Variants in PPFIA2 observed in about 807,000 individuals in gnomAD.
PPFIA2 encodes the protein PPFI scaffold protein A2.
PPFIA2 carries 46 observed loss-of-function variants against 175.5 expected under a neutral mutation model. That is an observed-to-expected ratio of 0.26 (90% CI 0.21 to 0.34). PPFIA2 has a LOEUF of 0.34. PPFIA2 is among the 10% of genes least tolerant of loss of function. The probability of loss-of-function intolerance (pLI) is 1.00; values close to 1 mark genes in which losing one functional copy is unlikely to be tolerated. For missense variants in PPFIA2, 1,179 were observed against 1,506.1 expected (o/e 0.78, Z 3.60); for synonymous variants, 568 against 511.4 (o/e 1.11, Z -1.49).
At chr12:81,388,076 T>C (rs1566602429) in intron 8 of PPFIA2, among the ~76,000 whole-genome samples, 1 of 151,970 alleles carries the variant, frequency 6.6e-6, no homozygotes. Context: ...AATACAGGAG[T>C]TCTATGTTCA....
At chr12:81,701,749 G>T (rs1208645170) in intron 3 of PPFIA2, among the ~76,000 whole-genome samples, 2 of 151,974 alleles carry the variant, frequency 1.3e-5, no homozygotes, top group East Asian at 3.9e-4. Context: ...CTGTCAGTAT[G>T]TTGTAAAAAA....
At chr12:81,308,400 C>T (rs1366287005) in intron 22 of PPFIA2, among the ~76,000 whole-genome samples, 1 of 152,094 alleles carries the variant, frequency 6.6e-6, no homozygotes, top group Non-Finnish European at 1.5e-5. Context: ...CAGATGAGAA[C>T]ACCGAAGAAC....
chr12:81,313,564 T>A (rs994979945), intron 22 of PPFIA2, among the ~76,000 whole-genome samples: 16 of 152,116 alleles, frequency 1.1e-4, no homozygotes, highest in African/African-American at 3.9e-4. Context: ...GGCACTACAC[T>A]GTCCCAAGAA....
In PPFIA2 at chr12:81,358,095, C is replaced by A; in HGVS notation, c.1760G>T (p.Arg587Ile). 1 of 1,602,230 alleles carries A rather than the reference C, an allele frequency of 6.2e-7. No homozygotes were observed. Among genetic ancestry groups the A allele is most frequent in the Non-Finnish European group, 8.5e-7 (1 of 1,174,854 alleles). ...TAAAAGATTAACCTTTGGCTCATCT[C>A]TTCGCACACCCATGCGGCCTCTCCT... is the stretch of plus-strand genomic sequence containing the variant. ...RPRRGRMGVR[R>I]DEPKVKSLGD... Residue 587 changes from arginine to isoleucine, a missense_variant, in exon 16 of 33, where the codon AGA becomes ATA. Transcript: ENST00000549396.
At chr12:81,588,474 C>T (rs1351644542) in intron 4 of PPFIA2, among the ~76,000 whole-genome samples, 1 of 152,004 alleles carries the variant, frequency 6.6e-6, no homozygotes, top group Non-Finnish European at 1.5e-5. Context: ...AACCAGATGT[C>T]TCCCACATTA....
intron 15 of PPFIA2, 61 bp from the exon 16 acceptor site, chr12:81,358,278 A>C (rs2061140799): frequency 6.8e-7 from 1 of 1,459,892 alleles, no homozygotes; most frequent in Non-Finnish European, 9.3e-7. Flanking sequence ...CCAGGAAATT[A>C]CTATCTGCTG....
At chr12:81,606,312 T>C (rs2060309479) in intron 4 of PPFIA2, among the ~76,000 whole-genome samples, 1 of 152,038 alleles carries the variant, frequency 6.6e-6, no homozygotes, top group African/African-American at 2.4e-5. Flanking sequence ...GTATAATGAT[T>C]GATTTTCCTT....
In PPFIA2 at chr12:81,746,232, C is replaced by T. The variant is rs530875651; in HGVS notation, c.249+7741G>A. Among the ~76,000 whole-genome samples, 22 of 144,300 alleles carry T rather than the reference C, an allele frequency of 1.5e-4. 2 individuals carry two copies. In the South Asian group the frequency reaches 4.7e-3, roughly 31 times the overall value. The allele number at this position is 144,300 out of a possible 152,430, so 94.7% of individuals were successfully genotyped here. A position where few individuals can be genotyped will look rare whatever the true frequency, so the allele number is the denominator to read the frequency against. ...TTAATCTTATCTTTGTTATTGAACA[C>T]TTAAGAAGTAACTACATAAGGAATT... On this transcript the variant is annotated intron_variant, in intron 3 of 32. Coordinates refer to ENST00000549396, the MANE Select transcript of PPFIA2 (RefSeq NM_003625.5).
chr12:81,725,641 G>T (rs759057074), intron 3 of PPFIA2, among the ~76,000 whole-genome samples: 1 of 150,550 alleles, frequency 6.6e-6, no homozygotes, highest in Non-Finnish European at 1.5e-5. Context: ...GTAGAATAAA[G>T]TATTTTAAAA....
chr12:81,530,270 G>A (rs2064327699), intron 4 of PPFIA2, among the ~76,000 whole-genome samples: 2 of 151,870 alleles, frequency 1.3e-5, no homozygotes, highest in African/African-American at 4.8e-5. Context: ...CTACTATTGG[G>A]TTAAGCAAAG....
intron 4 of PPFIA2, 134 bp from the exon 5 acceptor site, chr12:81,458,000 G>T: frequency 3.3e-6 from 2 of 607,584 alleles, no homozygotes; most frequent in Non-Finnish European, 2.9e-6. Context: ...TTGCTGTTAT[G>T]AAGTATCTTA....
At chr12:81,338,261 C>T (rs1403065175) in intron 21 of PPFIA2, among the ~76,000 whole-genome samples, 1 of 152,014 alleles carries the variant, frequency 6.6e-6, no homozygotes, top group Non-Finnish European at 1.5e-5. Flanking sequence ...CAGCACTTAC[C>T]ACTGTAGGTA....
At chr12:81,268,239 C>T (rs1467361258) in intron 28 of PPFIA2, among the ~76,000 whole-genome samples, 152 bp from the exon 29 acceptor site, 1 of 146,072 alleles carries the variant, frequency 6.8e-6, no homozygotes, top group Non-Finnish European at 1.5e-5. Context: ...CCCGGGTTCA[C>T]GCCATTCTCC....
intron 3 of PPFIA2, among the ~76,000 whole-genome samples, chr12:81,741,407 G>A (rs1423877016): frequency 6.6e-6 from 1 of 151,986 alleles, no homozygotes; most frequent in East Asian, 1.9e-4. Flanking sequence ...TACACAACAA[G>A]AAAAAGAATA....
intron 4 of PPFIA2, among the ~76,000 whole-genome samples, chr12:81,663,652 T>A (rs1298859651): frequency 2.0e-5 from 3 of 152,220 alleles, no homozygotes; most frequent in Non-Finnish European, 4.4e-5. Context: ...CCCATCAAGC[T>A]ACCAATGACT....
chr12:81,585,077 A>AAT, intron 4 of PPFIA2, among the ~76,000 whole-genome samples: 1 of 120,252 alleles, frequency 8.3e-6, no homozygotes, highest in Non-Finnish European at 1.7e-5. Context: ...ATATAAATAT[A>AAT]ATATATATAA....
intron 8 of PPFIA2, among the ~76,000 whole-genome samples, chr12:81,402,702 A>G (rs903421774): frequency 2.0e-5 from 3 of 152,218 alleles, no homozygotes; most frequent in Admixed American, 6.5e-5. Flanking sequence ...AAAATTACCA[A>G]AATTAGCCAG....
intron 18 of PPFIA2, among the ~76,000 whole-genome samples, chr12:81,347,126 CTT>C (rs34994320): frequency 1.3e-5 from 2 of 150,444 alleles, no homozygotes; most frequent in African/African-American, 4.9e-5. Context: ...TTTTTCTTTT[CTT>C]TTTTTTTGAG....
At chr12:81,446,916 T>C (rs933679407) in intron 5 of PPFIA2, among the ~76,000 whole-genome samples, 9 of 152,158 alleles carry the variant, frequency 5.9e-5, no homozygotes, top group Non-Finnish European at 1.3e-4. Flanking sequence ...CTCAAAATGT[T>C]AGAAAACTTT....
Sources: allele counts gnomAD v4.1 joint callset (sites outside exome capture counted in the v4.1 genomes callset), GRCh38; gene constraint gnomAD v4.1.1; transcripts MANE v1.5; gene names NCBI Gene and HGNC (gene_info 2026-07-23, HGNC 2026-07-21).